Variants in NAV3 observed in about 807,000 individuals in gnomAD.
NAV3 encodes neuron navigator 3.
In NAV3, 87 loss-of-function variants were observed where a neutral mutation model predicts 244.7. The ratio of observed to expected loss-of-function variants is 0.36; its 90% CI spans 0.30 to 0.42. The LOEUF (loss-of-function observed/expected upper bound fraction) is 0.42. Ranked by LOEUF, NAV3 falls within the 20% of genes least tolerant of loss-of-function variation. The pLI is 1.00. For missense variants in NAV3, 2,663 were observed against 2,893.3 expected, an observed-to-expected ratio of 0.92 and a Z score of 1.83; for synonymous variants, 1,126 against 1,042.2, an observed-to-expected ratio of 1.08 and a Z score of -1.55.
chr12:77,656,371 A>T (rs1346831837), intron 2 of NAV3, among the ~76,000 whole-genome samples: 1 of 126,036 alleles, frequency 7.9e-6, no homozygotes, highest in African/African-American at 3.5e-5. Context: ...AGGCCATTAC[A>T]TAATGGTAAA....
At position 78,007,312 on chromosome 12, in the gene NAV3, T is replaced by A. The variant is rs2136596778; in HGVS notation, c.1774T>A (p.Ser592Thr). 1 of 1,614,110 alleles carries A rather than the reference T, an allele frequency of 6.2e-7. No homozygotes were observed. Among genetic ancestry groups the A allele is most frequent in the Non-Finnish European group, 8.5e-7 (1 of 1,180,034 alleles). Residue 592 changes from serine to threonine, a missense_variant, in exon 8 of 40, where the codon TCT becomes ACT. Physicochemically the swap from Ser to Thr is moderately conservative, Grantham distance 58. Transcript: ENST00000397909. ...GGAAGGAAGGGAAGCTGGCCAAGCTTCTCCTTCTGGTTCCTGTACCATGAC... is the reference window on the plus strand; with the variant it reads ...GGAAGGAAGGGAAGCTGGCCAAGCTACTCCTTCTGGTTCCTGTACCATGAC... ...PLEGREAGQASPSGSCTMTVA... is the reference protein window; with the variant it reads ...PLEGREAGQATPSGSCTMTVA...
intron 2 of NAV3, among the ~76,000 whole-genome samples, chr12:77,653,013 T>C (rs192709634): frequency 3.3e-5 from 5 of 151,920 alleles, no homozygotes. Context: ...CTGAAAAATA[T>C]TACCTAGTCA....
intron 2 of NAV3, among the ~76,000 whole-genome samples, chr12:77,821,871 CA>C (rs1872758495): frequency 6.6e-6 from 1 of 152,130 alleles, no homozygotes; most frequent in Non-Finnish European, 1.5e-5. Context: ...ATAGTTCTTT[CA>C]AGCATAACTG....
At chr12:77,896,585 G>A (rs1452016964) in intron 1 of NAV3, among the ~76,000 whole-genome samples, 2 of 152,124 alleles carry the variant, frequency 1.3e-5, no homozygotes, top group African/African-American at 4.8e-5. Context: ...GGGGGAATAT[G>A]GAAAAATATT....
chr12:77,977,393 A>T (rs1203758924), intron 5 of NAV3, among the ~76,000 whole-genome samples: 2 of 152,082 alleles, frequency 1.3e-5, no homozygotes, highest in African/African-American at 2.4e-5. Context: ...TAGTTCTTTT[A>T]TTGGTTAACT....
At chr12:77,997,424 G>A (rs967295224) in intron 6 of NAV3, among the ~76,000 whole-genome samples, 3 of 152,072 alleles carry the variant, frequency 2.0e-5, no homozygotes, top group African/African-American at 7.2e-5. Flanking sequence ...AATTGTTTAA[G>A]AGTGAAATGA....
At chr12:77,795,204 C>A (rs1396558896) in intron 2 of NAV3, among the ~76,000 whole-genome samples, 1 of 152,070 alleles carries the variant, frequency 6.6e-6, no homozygotes, top group Non-Finnish European at 1.5e-5. Context: ...AGCAAAACTG[C>A]CTTATTACTG....
rs777334785 is a variant in NAV3, at chr12:78,037,096, C to A, written c.2024-12897C>A. On this transcript the variant is annotated intron_variant, in intron 9 of 39. Transcript: ENST00000397909. ...AAGTTTCTCTCGCGGTCTGTGCAGT[C>A]CCTGTATCACACCAGCAGCTCAGCC... 84 of 702,856 alleles carry A rather than the reference C, an allele frequency of 1.2e-4. No homozygotes were observed. In the African/African-American group the frequency reaches 1.4e-3, roughly 12 times the overall value. 43.5% of individuals were successfully genotyped at this position (702,856 alleles called of 1,614,324 possible).
Position 78,188,838 on chromosome 12 carries a change from C to G in NAV3, c.6055+61C>G, listed in dbSNP as rs188830782. 2.9e-3 allele frequency: 4,448 copies of G among 1,511,126 alleles called. 9 individuals carry two copies. Among genetic ancestry groups the G allele is most frequent in the Non-Finnish European group, 3.4e-3 (3,742 of 1,115,828 alleles). 93.6% of individuals were successfully genotyped at this position (1,511,126 alleles called of 1,614,324 possible). A position where few individuals can be genotyped will look rare whatever the true frequency, so the allele number is the denominator to read the frequency against. The stretch of plus-strand genomic sequence containing the variant: ...ATTTTTAGCAACATTTTATTCTGCC[C>G]CCCGCCCCTTTTTGGCCAGTTTCCC... On this transcript the variant is annotated intron_variant, in intron 33 of 39. Coordinates refer to ENST00000397909, the MANE Select transcript of NAV3 (RefSeq NM_001024383.2).
At chr12:77,961,483 G>A (rs1321630388) in intron 3 of NAV3, among the ~76,000 whole-genome samples, 7 of 119,582 alleles carry the variant, frequency 5.9e-5, no homozygotes, top group Non-Finnish European at 1.1e-4. Flanking sequence ...TCTATTACAT[G>A]TATGAGACAT....
chr12:78,008,202 G>A lies in NAV3; in HGVS notation c.1907+757G>A, dbSNP rs868750740. 2.0e-5 allele frequency among the ~76,000 whole-genome samples: 3 copies of A among 150,740 alleles called. No homozygotes were observed. The South Asian group carries it at 6.3e-4, about 32-fold the overall frequency. ...CATATATAATTTGTATTACTTATTT[G>A]GGTTGTATTACTGATTTGTTTTTTT... is the stretch of plus-strand genomic sequence containing the variant. On this transcript the variant is annotated intron_variant, in intron 8 of 39. Coordinates refer to ENST00000397909, the MANE Select transcript of NAV3 (RefSeq NM_001024383.2).
intron 12 of NAV3, among the ~76,000 whole-genome samples, chr12:78,085,087 A>C (rs904764962): frequency 2.6e-5 from 4 of 152,172 alleles, no homozygotes; most frequent in African/African-American, 9.6e-5. Flanking sequence ...AGTATAGAAG[A>C]TATATTTTAA....
At chr12:78,127,881 T>C (rs1409728804) in intron 17 of NAV3, among the ~76,000 whole-genome samples, 2 of 152,184 alleles carry the variant, frequency 1.3e-5, no homozygotes, top group African/African-American at 4.8e-5. Flanking sequence ...ATTCCATCCA[T>C]AATAAAAAAT....
At chr12:77,640,476 T>C (rs1592530588) in intron 2 of NAV3, among the ~76,000 whole-genome samples, 1 of 152,180 alleles carries the variant, frequency 6.6e-6, no homozygotes, top group South Asian at 2.1e-4. Context: ...TGTTCCTATG[T>C]ATTTGACATT....
At chr12:77,749,590 T>C (rs1361137257) in intron 2 of NAV3, among the ~76,000 whole-genome samples, 1 of 152,320 alleles carries the variant, frequency 6.6e-6, no homozygotes, top group East Asian at 1.9e-4. Context: ...ATAACAAATA[T>C]TTTTTGAAAA....
intron 1 of NAV3, among the ~76,000 whole-genome samples, chr12:77,860,033 T>A (rs1262840176): frequency 6.6e-6 from 1 of 151,866 alleles, no homozygotes; most frequent in African/African-American, 2.4e-5. Flanking sequence ...TAGCTATATA[T>A]GAACTGATAA....
intron 2 of NAV3, among the ~76,000 whole-genome samples, chr12:77,640,277 T>C (rs1872351648): frequency 6.6e-6 from 1 of 152,026 alleles, no homozygotes; most frequent in African/African-American, 2.4e-5. Flanking sequence ...GTGTAAGTTG[T>C]GGTGCAACAC....
chr12:77,893,596 AAAAAG>A (rs899144410), intron 1 of NAV3, among the ~76,000 whole-genome samples: 3 of 152,112 alleles, frequency 2.0e-5, no homozygotes, highest in Admixed American at 6.5e-5. Context: ...ACTAAAAAAA[AAAAAG>A]AAAACTTGGG....
chr12:78,107,418 C>T (rs1224462899), intron 12 of NAV3, among the ~76,000 whole-genome samples: 6 of 151,776 alleles, frequency 4.0e-5, no homozygotes, highest in Admixed American at 6.6e-5. Flanking sequence ...GCCGATAAAA[C>T]GCAAAAAGGT....
Sources: gnomAD v4.1 joint callset for allele counts (sites outside exome capture counted in the v4.1 genomes callset) on GRCh38, gnomAD v4.1.1 for gene constraint, MANE v1.5 for transcripts, NCBI Gene and HGNC (gene_info 2026-07-23, HGNC 2026-07-21) for gene names.